The following PLXDC2 variants were observed in gnomAD, a reference collection of about 807,000 sequenced individuals.
PLXDC2 encodes the protein plexin domain containing 2.
A neutral mutation model predicts 68.9 loss-of-function variants in PLXDC2; 40 were observed. That is an observed-to-expected ratio of 0.58 (90% CI 0.45 to 0.76). PLXDC2 has a LOEUF of 0.76. PLXDC2 is among the 30% of genes least tolerant of loss of function. The probability of loss-of-function intolerance (pLI) is 0.00; values close to 1 mark genes in which losing one functional copy is unlikely to be tolerated. For missense variants in PLXDC2, 644 were observed against 661.9 expected (o/e 0.97, Z 0.30); for synonymous variants, 243 against 234.2 (o/e 1.04, Z -0.34).
chr10:20,216,185 A>G (rs1835135183), intron 10 of PLXDC2, among the ~76,000 whole-genome samples: 1 of 152,220 alleles, frequency 6.6e-6, no homozygotes, highest in East Asian at 1.9e-4. Flanking sequence ...TGGGGGAAAA[A>G]GAAACTTAAA....
At chr10:19,937,675 A>G (rs151287387) in intron 1 of PLXDC2, among the ~76,000 whole-genome samples, 1,677 of 151,348 alleles carry the variant, frequency 0.011, 30 homozygotes, top group African/African-American at 0.037. Context: ...GCTGGAATGT[A>G]ACTCAGAAAA....
At chr10:19,967,319 T>G (rs530529030) in intron 1 of PLXDC2, among the ~76,000 whole-genome samples, 1 of 152,064 alleles carries the variant, frequency 6.6e-6, no homozygotes, top group African/African-American at 2.4e-5. Flanking sequence ...CACAGAAAGA[T>G]GGTAACAGTA....
At chr10:19,856,518 A>G (rs1173179848) in intron 1 of PLXDC2, among the ~76,000 whole-genome samples, 2 of 152,116 alleles carry the variant, frequency 1.3e-5, no homozygotes, top group East Asian at 1.9e-4. Flanking sequence ...GGGCATTGAG[A>G]ACTTTCTCCA....
At chr10:20,159,403 A>G (rs933602511) in intron 6 of PLXDC2, among the ~76,000 whole-genome samples, 1 of 152,094 alleles carries the variant, frequency 6.6e-6, no homozygotes, top group Non-Finnish European at 1.5e-5. Context: ...CAGTGCATAC[A>G]TAATTCTTCC....
chr10:19,910,714 G>A (rs557468936), intron 1 of PLXDC2, among the ~76,000 whole-genome samples: 66 of 148,212 alleles, frequency 4.5e-4, no homozygotes, highest in Admixed American at 9.1e-4. Flanking sequence ...CACTATCTAA[G>A]AATAGCCTAG....
At chr10:20,044,211 G>GTCTTCCTT (rs1835742998) in intron 2 of PLXDC2, among the ~76,000 whole-genome samples, 1 of 68,548 alleles carries the variant, frequency 1.5e-5, no homozygotes, top group Non-Finnish European at 3.0e-5. Context: ...CTCTCTCTCT[G>GTCTTCCTT]TCTTTCTTTC....
At chr10:19,885,619 C>T (rs972967446) in intron 1 of PLXDC2, among the ~76,000 whole-genome samples, 2 of 151,316 alleles carry the variant, frequency 1.3e-5, no homozygotes, top group Non-Finnish European at 3.0e-5. Flanking sequence ...GAATCCTTTC[C>T]CCATTTCTTG....
intron 5 of PLXDC2, among the ~76,000 whole-genome samples, chr10:20,146,025 C>T (rs535756630): frequency 6.6e-6 from 1 of 152,246 alleles, no homozygotes; most frequent in African/African-American, 2.4e-5. Flanking sequence ...ACTATACTCC[C>T]CATGTTATAG....
intron 1 of PLXDC2, among the ~76,000 whole-genome samples, chr10:19,985,377 C>A (rs890979355): frequency 2.6e-5 from 4 of 152,188 alleles, no homozygotes; most frequent in African/African-American, 9.7e-5. Flanking sequence ...CACCTTGATG[C>A]AGGAAGTTTA....
chr10:20,165,583 C>T (rs986345114), intron 7 of PLXDC2, among the ~76,000 whole-genome samples: 14 of 152,118 alleles, frequency 9.2e-5, no homozygotes, highest in Non-Finnish European at 1.5e-5. Flanking sequence ...CCAATTTCAT[C>T]CATGTCCCTG....
chr10:20,035,148 G>A (rs1364065677), intron 2 of PLXDC2, among the ~76,000 whole-genome samples: 3 of 152,120 alleles, frequency 2.0e-5, no homozygotes, highest in Admixed American at 6.6e-5. Context: ...TAGAGGCTCG[G>A]AAAGTTATCT....
At chr10:19,817,266 C>A in intron 1 of PLXDC2, 75 bp downstream of exon 1, 1 of 1,202,362 alleles carries the variant, frequency 8.3e-7, no homozygotes, top group Non-Finnish European at 1.2e-6. Flanking sequence ...TGCTCCCTAC[C>A]CTCTCCCCCC....
At chr10:19,993,489 G>T (rs984653524) in intron 1 of PLXDC2, among the ~76,000 whole-genome samples, 2 of 151,976 alleles carry the variant, frequency 1.3e-5, no homozygotes, top group South Asian at 2.1e-4. Flanking sequence ...GTGCAATCTC[G>T]GTTCACTGCA....
intron 1 of PLXDC2, among the ~76,000 whole-genome samples, chr10:19,920,647 A>G (rs936667035): frequency 1.3e-5 from 2 of 152,012 alleles, no homozygotes; most frequent in African/African-American, 4.8e-5. Context: ...GCTCAGAGCT[A>G]CCTCCACTCA....
chr10:20,001,945 C>G lies in PLXDC2; in HGVS notation c.283C>G (p.Leu95Val). ...TCCTGAGCCCAGAAGCTTCACAGAC[C>G]TGCTGCTGGATGATGGGCAGGACAA... ...DSPEPRSFTD[L>V]LLDDGQDNNT... Residue 95 changes from leucine to valine, a missense_variant, in exon 2 of 14, where the codon CTG becomes GTG. Physicochemically the swap from Leu to Val is conservative, Grantham distance 32. Coordinates refer to ENST00000377252, the MANE Select transcript of PLXDC2 (RefSeq NM_032812.9). The G allele has an allele frequency of 4.3e-6, 7 of 1,612,972 alleles. No individual in the cohort carries two copies. The highest frequency in any genetic ancestry group is 5.9e-6 in the Non-Finnish European group (7 of 1,179,960).
intron 1 of PLXDC2, among the ~76,000 whole-genome samples, chr10:19,944,290 T>C (rs1419559133): frequency 1.3e-5 from 2 of 152,118 alleles, no homozygotes; most frequent in East Asian, 1.9e-4. Context: ...TGCTTTTTTT[T>C]CCCTCCAACT....
In PLXDC2 at chr10:20,189,542, T is replaced by C. The variant is rs367898118; in HGVS notation, c.1061+12133T>C. ...ACATATATATACACACACATATATA[T>C]ACACACACACACACATATATATATA... On this transcript the variant is annotated intron_variant, in intron 9 of 13. Transcript: ENST00000377252. Among the ~76,000 whole-genome samples the C allele has an allele frequency of 1.8e-3, 217 of 118,974 alleles. 1 individual carries two copies. The highest frequency in any genetic ancestry group is 2.8e-3 in the East Asian group (9 of 3,268). The allele number at this position is 118,974 out of a possible 152,430, so 78.1% of individuals were successfully genotyped here. A position where few individuals can be genotyped will look rare whatever the true frequency, so the allele number is the denominator to read the frequency against.
At chr10:20,197,506 T>C (rs1013735347) in intron 9 of PLXDC2, among the ~76,000 whole-genome samples, 4 of 151,962 alleles carry the variant, frequency 2.6e-5, no homozygotes, top group Non-Finnish European at 5.9e-5. Flanking sequence ...TACAGGCATG[T>C]GCTACCATGC....
chr10:20,269,164 A>G (rs1374562371), intron 13 of PLXDC2, among the ~76,000 whole-genome samples: 2 of 152,212 alleles, frequency 1.3e-5, no homozygotes, highest in African/African-American at 4.8e-5. Context: ...ACTATTCTGT[A>G]TATGTCTGTT....
Sources: allele counts gnomAD v4.1 joint callset (sites outside exome capture counted in the v4.1 genomes callset), GRCh38; gene constraint gnomAD v4.1.1; transcripts MANE v1.5; gene names NCBI Gene and HGNC (gene_info 2026-07-23, HGNC 2026-07-21).